RANBP17: variants seen among roughly 807,000 people sequenced by gnomAD.
RANBP17 encodes the protein ran-binding protein 17.
Under a neutral mutation model 141.2 loss-of-function variants are expected in RANBP17, and 158 were observed. That is an observed-to-expected ratio of 1.12 (90% CI 0.98 to 1.28). The LOEUF is 1.28. Ranked by LOEUF, RANBP17 falls within the 50% of genes most tolerant of loss-of-function variation. The pLI, the probability that RANBP17 is intolerant of heterozygous loss-of-function variation, is 0.00. For synonymous variants in RANBP17, 430 were observed against 450.0 expected (o/e 0.96, Z 0.56); for missense variants, 1,438 against 1,290.7 (o/e 1.11, Z -1.75).
chr5:171,066,726 A>G (rs573995664), intron 14 of RANBP17, among the ~76,000 whole-genome samples: 2 of 152,100 alleles, frequency 1.3e-5, no homozygotes, highest in African/African-American at 4.8e-5. Context: ...TCTGTTTTTA[A>G]CTTTTTGAGG....
At chr5:171,092,979 G>T (rs1183842843) in intron 14 of RANBP17, among the ~76,000 whole-genome samples, 1 of 152,168 alleles carries the variant, frequency 6.6e-6, no homozygotes, top group South Asian at 2.1e-4. Flanking sequence ...CTGTGAATTT[G>T]TGGGAAGACA....
chr5:171,242,597 G>A (rs2127997489), intron 23 of RANBP17, 85 bp from the exon 24 acceptor site: 1 of 1,386,854 alleles, frequency 7.2e-7, no homozygotes, highest in African/African-American at 1.5e-5. Flanking sequence ...ACAATTTCCA[G>A]TATTATAAAT....
chr5:171,048,471 C>A (rs1050891485), intron 14 of RANBP17, among the ~76,000 whole-genome samples: 1 of 149,338 alleles, frequency 6.7e-6, no homozygotes, highest in African/African-American at 2.6e-5. Context: ...TGTAGATCTA[C>A]CCTTTTCTTT....
intron 25 of RANBP17, among the ~76,000 whole-genome samples, chr5:171,278,307 A>G (rs1767657666): frequency 6.6e-6 from 1 of 152,136 alleles, no homozygotes; most frequent in African/African-American, 2.4e-5. Context: ...TCATGAGGTC[A>G]GGAGTTCGAG....
intron 14 of RANBP17, among the ~76,000 whole-genome samples, chr5:171,084,169 T>A (rs961095216): frequency 9.0e-5 from 13 of 144,142 alleles, no homozygotes; most frequent in Admixed American, 2.2e-4. Context: ...TGTCCATGTG[T>A]TCTCATAGTT....
At chr5:170,881,684 T>C in intron 2 of RANBP17, 122 bp from the exon 3 acceptor site, 1 of 582,366 alleles carries the variant, frequency 1.7e-6, no homozygotes, top group Non-Finnish European at 3.0e-6. Context: ...ATTTTATCTA[T>C]TGTAAATTTG....
chr5:171,267,805 A>G (rs1047910129), intron 25 of RANBP17, among the ~76,000 whole-genome samples: 2 of 152,162 alleles, frequency 1.3e-5, no homozygotes, highest in Admixed American at 1.3e-4. Context: ...ATCTCAAAAA[A>G]AAAAGAAAAA....
intron 14 of RANBP17, among the ~76,000 whole-genome samples, chr5:171,166,209 C>G (rs1050970054): frequency 2.0e-5 from 3 of 152,120 alleles, no homozygotes; most frequent in African/African-American, 7.2e-5. Flanking sequence ...CAGGCAAAAC[C>G]TTGGTTACAG....
intron 14 of RANBP17, among the ~76,000 whole-genome samples, chr5:171,093,363 C>T (rs1786453451): frequency 6.6e-6 from 1 of 152,026 alleles, no homozygotes; most frequent in Non-Finnish European, 1.5e-5. Flanking sequence ...AGCACATATA[C>T]GACAATCAGT....
At chr5:171,058,025 G>C (rs1783525065) in intron 14 of RANBP17, among the ~76,000 whole-genome samples, 1 of 151,988 alleles carries the variant, frequency 6.6e-6, no homozygotes, top group Non-Finnish European at 1.5e-5. Context: ...GGGATTTCTA[G>C]CTTGAGATTT....
At chr5:171,213,535 G>A in intron 20 of RANBP17, 96 bp from the exon 21 acceptor site, 1 of 837,520 alleles carries the variant, frequency 1.2e-6, no homozygotes, top group Non-Finnish European at 2.0e-6. Context: ...TAGAACAAAT[G>A]TGGATTCCCT....
Position 171,096,568 on chromosome 5 carries a change from AAAC to A in RANBP17, c.1711-73558_1711-73556del, listed in dbSNP as rs562250498. 5.9e-5 allele frequency among the ~76,000 whole-genome samples: 9 copies of A among 152,314 alleles called. No homozygotes were observed. In the South Asian group the frequency reaches 1.9e-3, roughly 32 times the overall value. On this transcript the variant is annotated intron_variant, in intron 14 of 27. Transcript: ENST00000523189. ...TGTTGTTGGCAAAGACTGATTTTTA[AAAC>A]AACTGTAATACACAGTAGATCTAAA...
In RANBP17 at chr5:170,918,805, G is replaced by A. The variant is rs1471798969; in HGVS notation, c.1047G>A (p.Lys349=). ...NYQLGELVMV[K]EYPEVIRLIA... is the part of the protein sequence containing the mutation. ...AGCTGGGAGAATTAGTTATGGTGAA[G>A]GAATATCCTGAAGTTATTAGATTGA... The change falls in exon 10 of 28, where the codon AAG becomes AAA. Residue 349 remains lysine (K), a synonymous_variant. Transcript: ENST00000523189. The A allele has an allele frequency of 6.2e-7, 1 of 1,604,282 alleles. No individual in the cohort carries two copies. The highest frequency in any genetic ancestry group is 8.5e-7 in the Non-Finnish European group (1 of 1,173,880).
chr5:171,004,544 C>T (rs555029029), intron 14 of RANBP17, among the ~76,000 whole-genome samples: 15 of 152,138 alleles, frequency 9.9e-5, no homozygotes, highest in South Asian at 2.1e-4. Context: ...GGGTAGCCCC[C>T]GTATCGATTA....
intron 24 of RANBP17, chr5:171,252,669 A>G (rs1765647249): frequency 1.4e-5 from 20 of 1,430,836 alleles, no homozygotes; most frequent in African/African-American, 2.8e-5. Flanking sequence ...AACTTAGTCT[A>G]TTTAACACTT....
rs1400678430 is a variant in RANBP17, at chr5:171,298,919, C to G, written c.*61C>G. The G allele has an allele frequency of 7.6e-7, 1 of 1,323,370 alleles. No individual in the cohort carries two copies. The highest frequency in any genetic ancestry group is 1.4e-5 in the African/African-American group (1 of 69,446). The allele number at this position is 1,323,370 out of a possible 1,614,324, so 82.0% of individuals were successfully genotyped here. A position where few individuals can be genotyped will look rare whatever the true frequency, so the allele number is the denominator to read the frequency against. ...TCAAGAGACTCCTGAAGGTCTGGGT[C>G]TCAGGACAGTGATGTTGGCTAGCCC... On this transcript the variant is annotated 3_prime_UTR_variant, in exon 28 of 28. Transcript: ENST00000523189.
rs371761447 is a variant in RANBP17, at chr5:170,968,273, G to A, written c.1606G>A (p.Gly536Arg). Residue 536 changes from glycine to arginine, a missense_variant, in exon 14 of 28, where the codon GGA (glycine) becomes AGA (arginine). Gly to Arg is a moderately radical substitution (Grantham distance 125). Transcript: ENST00000523189. Reference protein sequence around the residue: ...VFQLISLMDTGLPRCCNEKIE... With the variant: ...VFQLISLMDTRLPRCCNEKIE... ...TCAGCTTATATCTTTAATGGATACC[G>A]GATTGCCTCGATGTTGTAATGAGAA... is the stretch of plus-strand genomic sequence containing the variant. The A allele has an allele frequency of 1.2e-5, 19 of 1,599,356 alleles. No homozygotes were observed. The highest frequency in any genetic ancestry group is 1.7e-4 in the Middle Eastern group (1 of 5,974).
At position 171,241,076 on chromosome 5, in the gene RANBP17, C is replaced by T. The variant is rs368406301; in HGVS notation, c.2571C>T (p.Asn857=). The change falls in exon 23 of 28, where the codon AAC becomes AAT. Residue 857 remains asparagine (N), a synonymous_variant. Coordinates refer to ENST00000523189, the MANE Select transcript of RANBP17 (RefSeq NM_022897.5). ...GCGTCTTCAAGTTGTATGGGGACAACCATTTTGACAATGTACTCCAGGCTT... is the reference window on the plus strand; with the variant it reads ...GCGTCTTCAAGTTGTATGGGGACAATCATTTTGACAATGTACTCCAGGCTT... ...SFGVFKLYGD[N]HFDNVLQAFV... 1.2e-6 allele frequency: 2 copies of T among 1,613,834 alleles called. No homozygotes were observed. Among genetic ancestry groups the T allele is most frequent in the Non-Finnish European group, 1.7e-6 (2 of 1,179,926 alleles).
chr5:171,094,464 ATTATCATTG>A (rs1186453713), intron 14 of RANBP17, among the ~76,000 whole-genome samples: 2 of 152,210 alleles, frequency 1.3e-5, no homozygotes, highest in Non-Finnish European at 2.9e-5. Context: ...TTTTCTCATT[ATTATCATTG>A]TTATTTTTAT....
Sources: gnomAD v4.1 joint callset for allele counts (sites outside exome capture counted in the v4.1 genomes callset) on GRCh38, gnomAD v4.1.1 for gene constraint, MANE v1.5 for transcripts, NCBI Gene and HGNC (gene_info 2026-07-23, HGNC 2026-07-21) for gene names.